Variants in ZNF335 observed in about 807,000 individuals in gnomAD.
ZNF335 encodes zinc finger protein 335.
Under a neutral mutation model 145.6 loss-of-function variants are expected in ZNF335, and 84 were observed. That is an observed-to-expected ratio of 0.58 (90% CI 0.48 to 0.69). ZNF335 has a LOEUF of 0.69. Ranked by LOEUF, ZNF335 falls within the 30% of genes least tolerant of loss-of-function variation. ZNF335 has a pLI of 0.00. For missense variants in ZNF335, 1,865 were observed against 1,809.7 expected (o/e 1.03, Z -0.55); for synonymous variants, 761 against 717.0 (o/e 1.06, Z -0.98).
chr20:45,951,392 C>T (rs2083628805), intron 20 of ZNF335, among the ~76,000 whole-genome samples: 1 of 152,258 alleles, frequency 6.6e-6, no homozygotes, highest in African/African-American at 2.4e-5. Flanking sequence ...CTCACCTTCT[C>T]CATGGTGGCT....
intron 15 of ZNF335, 89 bp from the exon 16 acceptor site, chr20:45,958,017 T>A (rs1830147295): frequency 7.7e-6 from 8 of 1,045,276 alleles, no homozygotes; most frequent in African/African-American, 1.6e-5. Context: ...CCAGATGTTT[T>A]ACATCTGTTG....
In ZNF335 at chr20:45,971,407, C is replaced by T. The variant is rs2084064581; in HGVS notation, c.4G>A (p.Glu2Lys). M[E>K]ENEVESSSDA... The stretch of plus-strand genomic sequence containing the variant: ...CTGCTGCTCTCCACCTCGTTCTCCT[C>T]CATCTGATCGGCGGGCTGCCTGACA... The change falls in exon 2 of 28, where the codon GAG (glutamate) becomes AAG (lysine). Residue 2 changes from glutamate (E) to lysine (K), a missense_variant. Coordinates refer to ENST00000322927, the MANE Select transcript of ZNF335 (RefSeq NM_022095.4). 6.2e-7 allele frequency: 1 copy of T among 1,600,246 alleles called. No homozygotes were observed. The highest frequency in any genetic ancestry group is 8.5e-7 in the Non-Finnish European group (1 of 1,179,734).
At chr20:45,955,688 C>T (rs148081172) in intron 17 of ZNF335, among the ~76,000 whole-genome samples, 155 of 151,768 alleles carry the variant, frequency 1.0e-3, no homozygotes, top group African/African-American at 3.6e-3. Context: ...GGTGTGGTGA[C>T]GTGCACCTGT....
intron 22 of ZNF335, 70 bp from the exon 23 acceptor site, chr20:45,950,139 C>CA: frequency 2.5e-6 from 4 of 1,598,544 alleles, no homozygotes; most frequent in Non-Finnish European, 3.4e-6. Flanking sequence ...GCTACTGTAC[C>CA]CAGTGGTGCC....
rs2145349305 is a variant in ZNF335 at position 45,948,806 on chromosome 20, C to T, written c.*147G>A. The stretch of plus-strand genomic sequence containing the variant: ...GGCCCATGGCTGCCCCTAACCCCAA[C>T]AGCACAGGTCTGGCTCCCTGGGAAT... On this transcript the variant is annotated 3_prime_UTR_variant, in exon 28 of 28. Transcript: ENST00000322927. 3 of 1,342,696 alleles carry T rather than the reference C, an allele frequency of 2.2e-6. No homozygotes were observed. The highest frequency in any genetic ancestry group is 1.3e-5 in the South Asian group (1 of 76,408). 83.2% of individuals were successfully genotyped at this position (1,342,696 alleles called of 1,614,324 possible).
chr20:45,960,114 C>G (rs899069570), intron 14 of ZNF335, 94 bp downstream of exon 14: 3 of 1,430,592 alleles, frequency 2.1e-6, no homozygotes, highest in Non-Finnish European at 1.9e-6. Context: ...CTGGGGCTAC[C>G]GAGGGGGAAG....
chr20:45,950,746 G>A (rs1209074462), intron 20 of ZNF335, 151 bp from the exon 21 acceptor site: 6 of 980,658 alleles, frequency 6.1e-6, no homozygotes, highest in Admixed American at 4.8e-5. Flanking sequence ...GGGTAGAAAG[G>A]CCAAGCCGGA....
intron 14 of ZNF335, 118 bp downstream of exon 14, chr20:45,960,083 AGGACTTG>A: frequency 9.0e-7 from 1 of 1,117,180 alleles, no homozygotes. Context: ...TTACACTTGA[AGGACTTG>A]GGCTGTTCTG....
rs1600548585 is a variant in ZNF335 at position 45,967,609 on chromosome 20, A to C, written c.840T>G (p.Gly280=). ...TCCACTTCCGTAGACGTCCTTTTTT[A>C]CCAGCTGCTGCTGCGGCTGCTGCTA... ...RPVAAAAAAA[G]KKGRLRKWST... is the part of the protein sequence containing the mutation. Residue 280 remains glycine, a synonymous_variant, in exon 6 of 28, where the codon GGT becomes GGG. Transcript: ENST00000322927. 5 of 1,613,622 alleles carry C rather than the reference A, an allele frequency of 3.1e-6. No individual in the cohort carries two copies. Among genetic ancestry groups the C allele is most frequent in the Non-Finnish European group, 4.2e-6 (5 of 1,179,966 alleles).
chr20:45,967,597 ACGTCC>A lies in ZNF335; in HGVS notation c.847_851del (p.Gly283SerfsTer22). The A allele has an allele frequency of 6.2e-7, 1 of 1,613,922 alleles. No homozygotes were observed. Among genetic ancestry groups the A allele is most frequent in the East Asian group, 2.2e-5 (1 of 44,850 alleles). On this transcript the variant is annotated frameshift_variant, in exon 6 of 28. Coordinates refer to ENST00000322927, the MANE Select transcript of ZNF335 (RefSeq NM_022095.4). LOFTEE classifies it high-confidence loss of function. ...TGGTGGAGGTGCTCCACTTCCGTAG[ACGTCC>A]TTTTTTACCAGCTGCTGCTGCGGCT...
chr20:45,957,163 T>C (rs2083744060), intron 17 of ZNF335, among the ~76,000 whole-genome samples: 1 of 152,154 alleles, frequency 6.6e-6, no homozygotes, highest in Non-Finnish European at 1.5e-5. Context: ...GAGAGTGGTC[T>C]GATCTAGAGG....
At chr20:45,956,951 G>A (rs2083739307) in intron 17 of ZNF335, among the ~76,000 whole-genome samples, 1 of 152,130 alleles carries the variant, frequency 6.6e-6, no homozygotes. Context: ...ACCCCTAACT[G>A]CCATGAACTA....
chr20:45,968,241 C>T lies in ZNF335; in HGVS notation c.520+44G>A, dbSNP rs561507942. On this transcript the variant is annotated intron_variant, in intron 4 of 27. Transcript: ENST00000322927. Reference sequence around the variant, plus strand: ...GCAGAACCTGTCCTCACCTATCCCCCTGCCCACTGCAGGCCTCCCCGATTC... The same window carrying T: ...GCAGAACCTGTCCTCACCTATCCCCTTGCCCACTGCAGGCCTCCCCGATTC... 2.1e-4 allele frequency: 340 copies of T among 1,594,514 alleles called. 2 individuals carry two copies. In the South Asian group the frequency reaches 3.5e-3, roughly 16 times the overall value.
At chr20:45,956,361 T>A (rs1352305438) in intron 17 of ZNF335, among the ~76,000 whole-genome samples, 1 of 152,084 alleles carries the variant, frequency 6.6e-6, no homozygotes, top group Non-Finnish European at 1.5e-5. Context: ...CCCGAGTGGC[T>A]GGGATTACAG....
chr20:45,949,570 T>A lies in ZNF335; in HGVS notation c.3670-2A>T. Reference sequence around the variant, plus strand: ...ATCCTGGGAGATGATATACTGCACCTGTTGGTGGGGGGGGCGGGCATGGCG... The same window carrying A: ...ATCCTGGGAGATGATATACTGCACCAGTTGGTGGGGGGGGCGGGCATGGCG... On this transcript the variant is annotated splice_acceptor_variant, in intron 24 of 27. Coordinates refer to ENST00000322927, the MANE Select transcript of ZNF335 (RefSeq NM_022095.4). LOFTEE classifies it high-confidence loss of function. 4 of 1,608,358 alleles carry A rather than the reference T, an allele frequency of 2.5e-6. No homozygotes were observed. Among genetic ancestry groups the A allele is most frequent in the Non-Finnish European group, 3.4e-6 (4 of 1,177,798 alleles).
rs772184904 is a variant in ZNF335, at chr20:45,953,905, G to C, written c.2486C>G (p.Ser829Cys). 8.1e-6 allele frequency: 13 copies of C among 1,611,658 alleles called. No homozygotes were observed. In the African/African-American group the frequency reaches 1.6e-4, roughly 20 times the overall value. The change falls in exon 18 of 28, where the codon TCC becomes TGC. Residue 829 changes from serine to cysteine, a missense_variant. Physicochemically the swap from Ser to Cys is moderately radical, Grantham distance 112. Coordinates refer to ENST00000322927, the MANE Select transcript of ZNF335 (RefSeq NM_022095.4). ...TTCAGGGGAGGGCTGCCCACCAGGGGATGCTAACCCTGCTTCCACATCTTC... is the reference window on the plus strand; with the variant it reads ...TTCAGGGGAGGGCTGCCCACCAGGGCATGCTAACCCTGCTTCCACATCTTC... ...KSEDVEAGLA[S>C]PGGQPSPEGA...
Position 45,953,938 on chromosome 20 carries a change from A to G in ZNF335, c.2453T>C (p.Val818Ala). 6.3e-7 allele frequency: 1 copy of G among 1,593,624 alleles called. No individual in the cohort carries two copies. The highest frequency in any genetic ancestry group is 8.6e-7 in the Non-Finnish European group (1 of 1,169,024). Residue 818 changes from valine to alanine, a missense_variant, in exon 18 of 28, where the codon GTG becomes GCG. Val to Ala is a moderately conservative substitution (Grantham distance 64). Transcript: ENST00000322927. The part of the protein sequence containing the change: ...LGGTALQVAV[V>A]KSEDVEAGLA... Reference sequence around the variant, plus strand: ...CCCTGCTTCCACATCTTCCGACTTCACCACAGCCACCTGCAACGGCACCAG... The same window carrying G: ...CCCTGCTTCCACATCTTCCGACTTCGCCACAGCCACCTGCAACGGCACCAG...
intron 6 of ZNF335, among the ~76,000 whole-genome samples, chr20:45,966,661 C>T (rs1265193554): frequency 6.6e-6 from 1 of 151,214 alleles, no homozygotes; most frequent in Non-Finnish European, 1.5e-5. Context: ...AGCGAATTCT[C>T]CTGCCTCGGC....
At chr20:45,952,072 A>G in intron 20 of ZNF335, 75 bp downstream of exon 20, 2 of 1,505,676 alleles carry the variant, frequency 1.3e-6, no homozygotes, top group African/African-American at 1.4e-5. Flanking sequence ...TTGAAAGGGC[A>G]CTCATTAAAG....
Sources: allele counts gnomAD v4.1 joint callset (sites outside exome capture counted in the v4.1 genomes callset), GRCh38; gene constraint gnomAD v4.1.1; transcripts MANE v1.5; gene names NCBI Gene and HGNC (gene_info 2026-07-23, HGNC 2026-07-21).